ZNF831: variants seen among roughly 807,000 people sequenced by gnomAD.
ZNF831 encodes chromosome 20 open reading frame 174.
ZNF831 carries 59 observed loss-of-function variants against 95.8 expected under a neutral mutation model. The ratio of observed to expected loss-of-function variants is 0.62; its 90% CI spans 0.50 to 0.77. The LOEUF is 0.77. Among genes scored for constraint, ZNF831 ranks in the 30% least tolerant of loss-of-function variants. The probability of loss-of-function intolerance (pLI) is 0.00; values close to 1 mark genes in which losing one functional copy is unlikely to be tolerated. For synonymous variants in ZNF831, 961 were observed against 925.5 expected, an observed-to-expected ratio of 1.04 and a Z score of -0.70; for missense variants, 2,205 against 2,164.0, an observed-to-expected ratio of 1.02 and a Z score of -0.38.
At chr20:59,241,413 A>G (rs190389286) in intron 4 of ZNF831, among the ~76,000 whole-genome samples, 1 of 151,950 alleles carries the variant, frequency 6.6e-6, no homozygotes, top group East Asian at 1.9e-4. Context: ...TTCCCGAAGT[A>G]CTCTCTCTTT....
At chr20:59,162,672 A>G (rs1488353628), upstream of ZNF831, among the ~76,000 whole-genome samples, 1 of 152,168 alleles carries the variant, frequency 6.6e-6, no homozygotes, top group African/African-American at 2.4e-5. Context: ...TTATACCAAT[A>G]CCATGCTGTG....
In ZNF831 at chr20:59,192,763, G is replaced by A. The variant is rs766314897; in HGVS notation, c.1744G>A (p.Ala582Thr). The change falls in exon 2 of 6, where the codon GCA (alanine) becomes ACA (threonine). Residue 582 changes from alanine (A) to threonine (T), a missense_variant. Coordinates refer to ENST00000371030, the MANE Select transcript of ZNF831 (RefSeq NM_178457.3). This position sits in a 1 kb window ranked among gnomAD's most constrained non-coding sequence, Gnocchi z 5.2. ...GTPIGDALVP[A>T]EDTDAKRTAA... ...CCCCATTGGCGATGCCCTGGTGCCC[G>A]CAGAGGACACAGACGCAAAGAGAAC... The A allele has an allele frequency of 4.3e-6, 7 of 1,612,192 alleles. No homozygotes were observed. Among genetic ancestry groups the A allele is most frequent in the Admixed American group, 1.7e-5 (1 of 59,958 alleles).
chr20:59,235,679 T>C (rs1986959116), intron 4 of ZNF831, among the ~76,000 whole-genome samples: 1 of 151,802 alleles, frequency 6.6e-6, no homozygotes, highest in Admixed American at 6.6e-5. Context: ...GTGCTACCTA[T>C]AAAAAAAAGA....
chr20:59,227,283 C>G (rs936462468), intron 4 of ZNF831, among the ~76,000 whole-genome samples: 7 of 152,012 alleles, frequency 4.6e-5, no homozygotes, highest in African/African-American at 1.4e-4. Context: ...AAATGGGAGC[C>G]TTTGTATGAA....
intron 1 of ZNF831, among the ~76,000 whole-genome samples, chr20:59,130,194 G>A (rs1271195255): frequency 6.6e-6 from 1 of 152,164 alleles, no homozygotes; most frequent in Non-Finnish European, 1.5e-5. Context: ...AAGAGACAGG[G>A]CCATTAATAT....
At chr20:59,126,223 C>T (rs899577951) in intron 1 of ZNF831, among the ~76,000 whole-genome samples, 1 of 152,178 alleles carries the variant, frequency 6.6e-6, no homozygotes, top group Non-Finnish European at 1.5e-5. Context: ...ACAGCCCCCT[C>T]TCTCTCCCCC....
chr20:59,150,447 C>T (rs918544687), intron 2 of ZNF831, among the ~76,000 whole-genome samples: 14 of 152,144 alleles, frequency 9.2e-5, no homozygotes, highest in Admixed American at 7.2e-4. Flanking sequence ...TTAGTATAAG[C>T]GTGTCCCAAA....
intron 1 of ZNF831, among the ~76,000 whole-genome samples, chr20:59,135,401 C>T (rs1228014841): frequency 6.6e-6 from 1 of 151,872 alleles, no homozygotes; most frequent in African/African-American, 2.4e-5. Context: ...GCCTTGGCAA[C>T]ATAGTAAGCC....
At chr20:59,205,226 C>A (rs2146633088) in intron 3 of ZNF831, among the ~76,000 whole-genome samples, 1 of 152,306 alleles carries the variant, frequency 6.6e-6, no homozygotes, top group South Asian at 2.1e-4. Flanking sequence ...ATGTGCCACC[C>A]CTTCCTTCCT....
chr20:59,253,869 C>CTT, intron 5 of ZNF831, 29 bp from the exon 6 acceptor site: 2 of 1,067,528 alleles, frequency 1.9e-6, no homozygotes, highest in South Asian at 2.0e-5. Flanking sequence ...TCCCCCCCCA[C>CTT]TTTTTTTTTC....
chr20:59,172,978 T>G (rs1981862508), intron 1 of ZNF831, among the ~76,000 whole-genome samples: 1 of 152,192 alleles, frequency 6.6e-6, no homozygotes, highest in Non-Finnish European at 1.5e-5. Flanking sequence ...TTAAATCTAG[T>G]TAAGTCTAGA....
intron 1 of ZNF831, among the ~76,000 whole-genome samples, chr20:59,183,205 G>C (rs1296372513): frequency 6.6e-6 from 1 of 152,214 alleles, no homozygotes; most frequent in Non-Finnish European, 1.5e-5. Flanking sequence ...CCTAACGAAA[G>C]TCTGTCCCTG....
At chr20:59,235,231 C>T (rs188607182) in intron 4 of ZNF831, among the ~76,000 whole-genome samples, 1 of 152,266 alleles carries the variant, frequency 6.6e-6, no homozygotes, top group Non-Finnish European at 1.5e-5. Flanking sequence ...GCCAGGGTCC[C>T]CGCTGCCAAC....
intron 1 of ZNF831, among the ~76,000 whole-genome samples, chr20:59,128,158 G>T (rs923201791): frequency 5.9e-5 from 9 of 152,208 alleles, no homozygotes; most frequent in African/African-American, 2.2e-4. Flanking sequence ...ATCACAGATT[G>T]TGACAAATGC....
At chr20:59,185,903 T>C (rs1044898791) in intron 1 of ZNF831, among the ~76,000 whole-genome samples, 3 of 152,198 alleles carry the variant, frequency 2.0e-5, no homozygotes, top group Admixed American at 2.0e-4. Context: ...TTACTGAGTT[T>C]CTGCCACAGG....
rs1237182223 is a variant in ZNF831 at position 59,255,761 on chromosome 20, T to G, written c.*1018T>G. On this transcript the variant is annotated 3_prime_UTR_variant, in exon 6 of 6. Coordinates refer to ENST00000371030, the MANE Select transcript of ZNF831 (RefSeq NM_178457.3). The stretch of plus-strand genomic sequence containing the variant: ...ACTAATTGGAGTTTTGACGCTGTTT[T>G]ACATCTCGGTAATTTTATTTTCGGG... 2 of 152,230 alleles carry G rather than the reference T, an allele frequency of 1.3e-5. No homozygotes were observed. The highest frequency in any genetic ancestry group is 2.9e-5 in the Non-Finnish European group (2 of 68,042). 9.4% of individuals were successfully genotyped at this position (152,230 alleles called of 1,614,324 possible).
At position 59,191,387 on chromosome 20, in the gene ZNF831, T is replaced by C. The variant is rs2146547043; in HGVS notation, c.368T>C (p.Val123Ala). Reference sequence around the variant, plus strand: ...GTGAACATCGTGGGCACTCTGCCTGTCCTGTCGCCGGGCCTGGGCCCCACG... The same window carrying C: ...GTGAACATCGTGGGCACTCTGCCTGCCCTGTCGCCGGGCCTGGGCCCCACG... Reference protein sequence around the residue: ...LTVNIVGTLPVLSPGLGPTLG... With the variant: ...LTVNIVGTLPALSPGLGPTLG... The change falls in exon 2 of 6, where the codon GTC (valine) becomes GCC (alanine). Residue 123 changes from valine (V) to alanine (A), a missense_variant. Val to Ala is a moderately conservative substitution (Grantham distance 64). Coordinates refer to ENST00000371030, the MANE Select transcript of ZNF831 (RefSeq NM_178457.3). The C allele has an allele frequency of 6.2e-7, 1 of 1,609,984 alleles. No homozygotes were observed. The highest frequency in any genetic ancestry group is 1.1e-5 in the South Asian group (1 of 90,716).
At chr20:59,161,685 A>G (rs1214657107), upstream of ZNF831, among the ~76,000 whole-genome samples, 1 of 152,194 alleles carries the variant, frequency 6.6e-6, no homozygotes, top group Non-Finnish European at 1.5e-5. Flanking sequence ...GGTTGATTCC[A>G]TGCCTTTGCT....
At chr20:59,240,741 G>A (rs185667199) in intron 4 of ZNF831, among the ~76,000 whole-genome samples, 10,944 of 152,168 alleles carry the variant, frequency 0.072, 472 homozygotes, top group Non-Finnish European at 0.09. Flanking sequence ...GGCGGAGCTT[G>A]CAGTGAGCCA....
Sources: gnomAD v4.1 joint callset for allele counts (sites outside exome capture counted in the v4.1 genomes callset) on GRCh38, gnomAD v4.1.1 for gene constraint, Gnocchi (gnomAD v3.1) non-coding constraint, MANE v1.5 for transcripts, NCBI Gene and HGNC (gene_info 2026-07-23, HGNC 2026-07-21) for gene names.